The following SPIDR variants were observed in gnomAD, a reference collection of about 807,000 sequenced individuals.
SPIDR encodes the protein DNA repair-scaffolding protein.
A neutral mutation model predicts 104.6 loss-of-function variants in SPIDR; 93 were observed. That is an observed-to-expected ratio of 0.89 (90% CI 0.75 to 1.06). The LOEUF is 1.06. Among genes scored for constraint, SPIDR ranks in the 50% least tolerant of loss-of-function variants. SPIDR has a pLI of 0.00. For missense variants in SPIDR, 1,154 were observed against 1,111.2 expected, an observed-to-expected ratio of 1.04 and a Z score of -0.55; for synonymous variants, 431 against 416.9, an observed-to-expected ratio of 1.03 and a Z score of -0.41.
chr8:47,553,334 A>G (rs2090853734), intron 8 of SPIDR, among the ~76,000 whole-genome samples: 1 of 152,184 alleles, frequency 6.6e-6, no homozygotes, highest in African/African-American at 2.4e-5. Flanking sequence ...TATCCTGAAG[A>G]GTGTTTTCCA....
chr8:47,622,740 A>C (rs2065350440), intron 10 of SPIDR, among the ~76,000 whole-genome samples: 1 of 152,212 alleles, frequency 6.6e-6, no homozygotes, highest in Non-Finnish European at 1.5e-5. Flanking sequence ...GAGCCTCTTC[A>C]AGAAAATGAA....
At chr8:47,386,928 GATATAGATATAGAT>G (rs1393007109) in intron 5 of SPIDR, among the ~76,000 whole-genome samples, 4 of 148,908 alleles carry the variant, frequency 2.7e-5, no homozygotes, top group African/African-American at 1.0e-4. Flanking sequence ...TATAGATATA[GATATAGATATAGAT>G]ATAGATATAG....
chr8:47,279,104 A>T (rs1451807188), intron 1 of SPIDR, among the ~76,000 whole-genome samples: 3 of 150,486 alleles, frequency 2.0e-5, no homozygotes, highest in African/African-American at 7.4e-5. Flanking sequence ...TATGTTGCCC[A>T]GGCTGGTCTT....
chr8:47,452,127 T>C (rs1328573831), intron 8 of SPIDR, among the ~76,000 whole-genome samples: 2 of 152,074 alleles, frequency 1.3e-5, no homozygotes, highest in Non-Finnish European at 2.9e-5. Context: ...AGTAGTGAAG[T>C]TGATGAAACC....
intron 5 of SPIDR, among the ~76,000 whole-genome samples, chr8:47,360,033 G>A (rs2055439034): frequency 6.6e-6 from 1 of 152,004 alleles, no homozygotes; most frequent in Non-Finnish European, 1.5e-5. Flanking sequence ...ACAAGGTCAG[G>A]AGATTGAGAC....
intron 5 of SPIDR, among the ~76,000 whole-genome samples, chr8:47,310,088 C>T (rs1586736278): frequency 6.6e-6 from 1 of 151,736 alleles, no homozygotes; most frequent in South Asian, 2.1e-4. Flanking sequence ...AATCCCAGCA[C>T]TTTGGGAGGC....
In SPIDR at chr8:47,274,245, AT is replaced by A. The variant is rs1305443621; in HGVS notation, c.34-5611del. On this transcript the variant is annotated intron_variant, in intron 1 of 19. Transcript: ENST00000297423. ...TACTGTATTGTCAAATGATTTTACA[AT>A]TTTTTCTTCAATCATTGATTATGAT... Among the ~76,000 whole-genome samples the A allele has an allele frequency of 3.1e-3, 466 of 152,168 alleles. 3 individuals are homozygous for A. The highest frequency in any genetic ancestry group is 0.01 in the African/African-American group (428 of 41,494).
At chr8:47,448,584 C>A (rs1057125742) in intron 8 of SPIDR, among the ~76,000 whole-genome samples, 2 of 151,904 alleles carry the variant, frequency 1.3e-5, no homozygotes, top group Non-Finnish European at 2.9e-5. Context: ...ACAGAGGTTG[C>A]AAGAGGATTG....
intron 8 of SPIDR, among the ~76,000 whole-genome samples, chr8:47,466,045 A>G (rs1186799231): frequency 6.6e-6 from 1 of 152,168 alleles, no homozygotes; most frequent in Non-Finnish European, 1.5e-5. Flanking sequence ...AAACCTTCAA[A>G]GAGACTTAAA....
rs1326786952 is a variant in SPIDR, at chr8:47,396,288, G to A, written c.526-88G>A. 2.7e-6 allele frequency: 3 copies of A among 1,119,750 alleles called. No homozygotes were observed. In the East Asian group the frequency reaches 7.3e-5, roughly 27 times the overall value. 69.4% of individuals were successfully genotyped at this position (1,119,750 alleles called of 1,614,324 possible). On this transcript the variant is annotated intron_variant, in intron 5 of 19. Transcript: ENST00000297423. ...TCCTTCAAGAGCTGTAACTGTAAGGGAATGGAATGATAGATGTATATAAAT... is the reference window on the plus strand; with the variant it reads ...TCCTTCAAGAGCTGTAACTGTAAGGAAATGGAATGATAGATGTATATAAAT...
intron 14 of SPIDR, among the ~76,000 whole-genome samples, chr8:47,704,892 A>T (rs997735133): frequency 5.3e-5 from 8 of 152,060 alleles, no homozygotes; most frequent in African/African-American, 1.9e-4. Flanking sequence ...GCCTGAGGAG[A>T]CCTAAGACTG....
chr8:47,425,872 A>C (rs2066323772), intron 7 of SPIDR, among the ~76,000 whole-genome samples: 1 of 152,152 alleles, frequency 6.6e-6, no homozygotes, highest in Admixed American at 6.5e-5. Flanking sequence ...GTATTGAAAT[A>C]TAAGAAACTA....
At chr8:47,620,291 T>G (rs1003569045) in intron 10 of SPIDR, among the ~76,000 whole-genome samples, 23 of 149,750 alleles carry the variant, frequency 1.5e-4, no homozygotes, top group Non-Finnish European at 3.4e-4. Flanking sequence ...TTTTTTTTTT[T>G]TGAGACGGAG....
At chr8:47,685,330 G>C (rs2077613610) in intron 11 of SPIDR, among the ~76,000 whole-genome samples, 1 of 151,936 alleles carries the variant, frequency 6.6e-6, no homozygotes, top group South Asian at 2.1e-4. Flanking sequence ...TTGCAGCACA[G>C]TAAGTCTAGA....
chr8:47,517,767 A>T (rs962516745), intron 8 of SPIDR, among the ~76,000 whole-genome samples: 1 of 152,210 alleles, frequency 6.6e-6, no homozygotes, highest in Non-Finnish European at 1.5e-5. Flanking sequence ...TCGTGGTTTC[A>T]TTATTCGTAT....
At chr8:47,326,344 C>A (rs988305250) in intron 5 of SPIDR, among the ~76,000 whole-genome samples, 1 of 152,146 alleles carries the variant, frequency 6.6e-6, no homozygotes, top group Non-Finnish European at 1.5e-5. Flanking sequence ...AAATGCAACT[C>A]TTTTCTTTAA....
At chr8:47,416,116 C>T (rs976607781) in intron 7 of SPIDR, among the ~76,000 whole-genome samples, 3 of 152,106 alleles carry the variant, frequency 2.0e-5, no homozygotes, top group Admixed American at 6.6e-5. Context: ...TGGTGGCAGG[C>T]GCCTGTAATC....
At chr8:47,348,924 T>C (rs1468841084) in intron 5 of SPIDR, among the ~76,000 whole-genome samples, 2 of 152,196 alleles carry the variant, frequency 1.3e-5, no homozygotes, top group Non-Finnish European at 2.9e-5. Context: ...AAGTTTGTTA[T>C]TACCGATATT....
intron 10 of SPIDR, chr8:47,660,852 A>T: frequency 1.6e-6 from 1 of 621,482 alleles, no homozygotes; most frequent in Non-Finnish European, 2.0e-6. Context: ...GCTGGCCCTT[A>T]ATGAGAGGGA....
Sources: gnomAD v4.1 joint callset for allele counts (sites outside exome capture counted in the v4.1 genomes callset) on GRCh38, gnomAD v4.1.1 for gene constraint, MANE v1.5 for transcripts, NCBI Gene and HGNC (gene_info 2026-07-23, HGNC 2026-07-21) for gene names.